The following KLHL1 variants were observed in gnomAD, a reference collection of about 807,000 sequenced individuals.
KLHL1 encodes kelch like family member 1, also known as kelch-like protein 1.
In KLHL1, 47 loss-of-function variants were observed where a neutral mutation model predicts 77.7. The ratio of observed to expected loss-of-function variants is 0.60; its 90% CI spans 0.48 to 0.77. The LOEUF (loss-of-function observed/expected upper bound fraction) is 0.77, where lower values mean the gene tolerates loss of function less well. KLHL1 is among the 30% of genes least tolerant of loss of function. KLHL1 has a pLI of 0.00. For synonymous variants in KLHL1, 360 were observed against 325.2 expected, an observed-to-expected ratio of 1.11 and a Z score of -1.15; for missense variants, 925 against 910.8, an observed-to-expected ratio of 1.02 and a Z score of -0.20.
chr13:69,814,942 C>T (rs558322869), intron 6 of KLHL1, among the ~76,000 whole-genome samples: 49 of 152,024 alleles, frequency 3.2e-4, no homozygotes, highest in African/African-American at 7.2e-4. Flanking sequence ...ACCCAGGAGG[C>T]GGAGGTTGCA....
intron 6 of KLHL1, among the ~76,000 whole-genome samples, chr13:69,797,981 TAATAA>T (rs995052469): frequency 6.6e-6 from 1 of 152,198 alleles, no homozygotes; most frequent in Non-Finnish European, 1.5e-5. Flanking sequence ...TAACTCTGAC[TAATAA>T]AATAGAAATT....
intron 10 of KLHL1, among the ~76,000 whole-genome samples, chr13:69,702,834 T>C (rs1293370613): frequency 6.6e-6 from 1 of 151,706 alleles, no homozygotes; most frequent in Non-Finnish European, 1.5e-5. Context: ...GGAAGGAGCA[T>C]GTGAATATAT....
In KLHL1 at chr13:69,877,163, T is replaced by C. The variant is rs564523141; in HGVS notation, c.1227+5120A>G. Reference sequence around the variant, plus strand: ...CTGAGCACCTTTTGACTTGATAATATGTAGAATTATAGTCTCTTGATTTTT... The same window carrying C: ...CTGAGCACCTTTTGACTTGATAATACGTAGAATTATAGTCTCTTGATTTTT... On this transcript the variant is annotated intron_variant, in intron 5 of 10. Transcript: ENST00000377844. Among the ~76,000 whole-genome samples the C allele has an allele frequency of 3.9e-5, 6 of 152,326 alleles. No homozygotes were observed. In the East Asian group the frequency reaches 7.7e-4, roughly 20 times the overall value.
rs1405577095 is a variant in KLHL1 at position 69,955,988 on chromosome 13, ATT to A, written c.817+5318_817+5319del. 7.6e-3 allele frequency among the ~76,000 whole-genome samples: 847 copies of A among 111,438 alleles called. 12 individuals carry two copies. The highest frequency in any genetic ancestry group is 0.032 in the African/African-American group (780 of 24,648). The allele number at this position is 111,438 out of a possible 152,430, so 73.1% of individuals were successfully genotyped here. On this transcript the variant is annotated intron_variant, in intron 3 of 10. Coordinates refer to ENST00000377844, the MANE Select transcript of KLHL1 (RefSeq NM_020866.3). ...TTATATATTTGATATATATTTATAT[ATT>A]TATTTGATATATATTTATATATATT...
intron 5 of KLHL1, among the ~76,000 whole-genome samples, chr13:69,852,119 C>G (rs924573522): frequency 6.6e-6 from 1 of 151,796 alleles, no homozygotes; most frequent in African/African-American, 2.4e-5. Flanking sequence ...AATTAAGAGA[C>G]AAGAGTAAGC....
intron 7 of KLHL1, among the ~76,000 whole-genome samples, chr13:69,742,998 C>T (rs1035477821): frequency 6.6e-6 from 1 of 152,070 alleles, no homozygotes; most frequent in Non-Finnish European, 1.5e-5. Flanking sequence ...AAAGTGAAAA[C>T]ATCAGTGAAG....
At chr13:70,042,088 TC>T in intron 1 of KLHL1, among the ~76,000 whole-genome samples, 1 of 152,288 alleles carries the variant, frequency 6.6e-6, no homozygotes, top group African/African-American at 2.4e-5. Context: ...GCTTCTTTTT[TC>T]CCCACTTCTT....
At chr13:69,902,110 T>C (rs1047518273) in intron 4 of KLHL1, among the ~76,000 whole-genome samples, 4 of 152,192 alleles carry the variant, frequency 2.6e-5, no homozygotes, top group African/African-American at 9.6e-5. Flanking sequence ...CACAATGAGT[T>C]TTTTTATAAG....
At chr13:69,907,738 A>C (rs1159163284) in intron 4 of KLHL1, among the ~76,000 whole-genome samples, 1 of 152,086 alleles carries the variant, frequency 6.6e-6, no homozygotes, top group Non-Finnish European at 1.5e-5. Flanking sequence ...TCTTGATATC[A>C]CAGAGAATGG....
intron 1 of KLHL1, among the ~76,000 whole-genome samples, chr13:70,075,850 G>A (rs1256414160): frequency 1.3e-5 from 2 of 149,316 alleles, no homozygotes; most frequent in Non-Finnish European, 3.0e-5. Context: ...TACACCAGCA[G>A]TGAACAATTG....
intron 1 of KLHL1, among the ~76,000 whole-genome samples, chr13:70,063,878 A>T (rs1421426417): frequency 6.6e-6 from 1 of 152,124 alleles, no homozygotes; most frequent in African/African-American, 2.4e-5. Flanking sequence ...TTATATTTAT[A>T]GGTGTGTTTA....
rs916026979 is a variant in KLHL1 at position 70,003,328 on chromosome 13, T to C, written c.498-27526A>G. Among the ~76,000 whole-genome samples the C allele has an allele frequency of 4.6e-5, 7 of 151,884 alleles. No homozygotes were observed. In the South Asian group the frequency reaches 6.2e-4, roughly 13 times the overall value. On this transcript the variant is annotated intron_variant, in intron 1 of 10. Transcript: ENST00000377844. ...AAAAGAGTCAGAGAAAAGTGGATAC[T>C]TTTTTCACATAAGAAGAAGCAATCA...
At chr13:69,762,295 C>A (rs1347956468) in intron 7 of KLHL1, among the ~76,000 whole-genome samples, 2 of 152,126 alleles carry the variant, frequency 1.3e-5, no homozygotes, top group Non-Finnish European at 2.9e-5. Flanking sequence ...AATTAATCTA[C>A]TTCCCATGGA....
intron 1 of KLHL1, among the ~76,000 whole-genome samples, chr13:70,057,147 G>A (rs1318497354): frequency 1.3e-5 from 2 of 152,028 alleles, no homozygotes; most frequent in African/African-American, 2.4e-5. Context: ...AGAGACTGCT[G>A]AGAGCAACTA....
intron 1 of KLHL1, among the ~76,000 whole-genome samples, chr13:70,011,780 C>G (rs1269956427): frequency 6.6e-6 from 1 of 152,152 alleles, no homozygotes; most frequent in African/African-American, 2.4e-5. Context: ...ATTTGTTACT[C>G]TATTCAGGCA....
intron 7 of KLHL1, among the ~76,000 whole-genome samples, chr13:69,777,410 TAATTG>T (rs1875885050): frequency 6.6e-6 from 1 of 152,196 alleles, no homozygotes; most frequent in South Asian, 2.1e-4. Context: ...ATTAAAATTT[TAATTG>T]AATTATTATC....
intron 1 of KLHL1, among the ~76,000 whole-genome samples, chr13:70,085,913 A>G (rs1887524357): frequency 1.3e-5 from 2 of 152,190 alleles, no homozygotes; most frequent in Non-Finnish European, 1.5e-5. Flanking sequence ...AAAGAGGATT[A>G]TGTGAGTCTG....
intron 4 of KLHL1, among the ~76,000 whole-genome samples, chr13:69,898,861 C>T (rs773076255): frequency 6.6e-6 from 1 of 152,104 alleles, no homozygotes; most frequent in Non-Finnish European, 1.5e-5. Context: ...GGCTTGTGAA[C>T]GAGGCCTGGA....
Position 69,998,360 on chromosome 13 carries a change from T to C in KLHL1, c.498-22558A>G, listed in dbSNP as rs184055967. On this transcript the variant is annotated intron_variant, in intron 1 of 10. Transcript: ENST00000377844. ...AGAGCTCACACAATGGGAGCTCCCA[T>C]TGTGTGGGAGCACAATTATACTTCA... Among the ~76,000 whole-genome samples, 215 of 152,076 alleles carry C rather than the reference T, an allele frequency of 1.4e-3. 1 individual carries two copies. The highest frequency in any genetic ancestry group is 5.0e-3 in the African/African-American group (208 of 41,520).
Sources: gnomAD v4.1 joint callset for allele counts (sites outside exome capture counted in the v4.1 genomes callset) on GRCh38, gnomAD v4.1.1 for gene constraint, MANE v1.5 for transcripts, NCBI Gene and HGNC (gene_info 2026-07-23, HGNC 2026-07-21) for gene names.